The following LY96 variants were observed in gnomAD, a reference collection of about 807,000 sequenced individuals.
LY96 encodes lymphocyte antigen 96.
In LY96, 18 loss-of-function variants were observed where a neutral mutation model predicts 18.9. That is an observed-to-expected ratio of 0.95 (90% confidence interval 0.66 to 1.41). The LOEUF is 1.41. LY96 is among the 40% of genes most tolerant of loss of function. The probability of loss-of-function intolerance (pLI) is 0.00; values close to 1 mark genes in which losing one functional copy is unlikely to be tolerated. For missense variants in LY96, 175 were observed against 182.4 expected (o/e 0.96, Z 0.23); for synonymous variants, 66 against 62.6 (o/e 1.06, Z -0.26).
Position 74,004,706 on chromosome 8 carries a change from A to C in LY96, c.113-90A>C, listed in dbSNP as rs573472358. 3.5e-5 allele frequency: 42 copies of C among 1,207,290 alleles called. No homozygotes were observed. The African/African-American group carries it at 5.8e-4, about 17-fold the overall frequency. The allele number at this position is 1,207,290 out of a possible 1,614,324, so 74.8% of individuals were successfully genotyped here. On this transcript the variant is annotated intron_variant, in intron 1 of 4. Transcript: ENST00000284818. ...TTTCTTATTTTATAATTTTAATGCA[A>C]GATTCATCTTAAAAGGCTGATATTC...
intron 1 of LY96, among the ~76,000 whole-genome samples, chr8:73,997,643 C>T (rs552732652): frequency 2.9e-4 from 44 of 152,262 alleles, no homozygotes; most frequent in African/African-American, 1.0e-3. Flanking sequence ...GTTTTCCTCC[C>T]ACATCAGATG....
chr8:74,079,355 G>A, the LY96 span, among the ~76,000 whole-genome samples: 1 of 152,262 alleles, frequency 6.6e-6, no homozygotes, highest in East Asian at 1.9e-4. Flanking sequence ...CTTTTTATAT[G>A]TCTCTCTAAG....
At chr8:74,090,841 A>G in the LY96 span, among the ~76,000 whole-genome samples, 1 of 152,230 alleles carries the variant, frequency 6.6e-6, no homozygotes, top group African/African-American at 2.4e-5. Flanking sequence ...TGAAAATGTC[A>G]ATTCTCCCTT....
chr8:74,009,374 C>CAAAAAAAAAAAAAAAAAA (rs370593442), intron 2 of LY96, among the ~76,000 whole-genome samples: 16 of 58,814 alleles, frequency 2.7e-4, no homozygotes, highest in East Asian at 6.3e-4. Context: ...CAGTCTTTCT[C>CAAAAAAAAAAAAAAAAAA]AAAAAAAAAA....
At chr8:74,010,616 C>T (rs767853926) in intron 3 of LY96, among the ~76,000 whole-genome samples, 4 of 151,940 alleles carry the variant, frequency 2.6e-5, no homozygotes, top group Non-Finnish European at 4.4e-5. Context: ...TTTTCCTCAG[C>T]TATAAAATGG....
the LY96 span, among the ~76,000 whole-genome samples, chr8:74,075,838 G>T: frequency 6.6e-6 from 1 of 152,162 alleles, no homozygotes; most frequent in Non-Finnish European, 1.5e-5. Context: ...GGTATGAAAA[G>T]AGATGAGAAC....
the LY96 span, among the ~76,000 whole-genome samples, chr8:74,059,599 A>T: frequency 6.6e-6 from 1 of 152,226 alleles, no homozygotes; most frequent in Non-Finnish European, 1.5e-5. Context: ...CACCTTCCTT[A>T]TGGAAAAAAA....
intron 3 of LY96, 134 bp downstream of exon 3, chr8:74,010,263 A>G (rs1368522589): frequency 1.3e-6 from 1 of 766,650 alleles, no homozygotes; most frequent in African/African-American, 1.8e-5. Context: ...TTTTTACTTT[A>G]GCAGCTTAAA....
At chr8:74,081,006 CTTTCTTTCTTT>C in the LY96 span, among the ~76,000 whole-genome samples, 4 of 126,872 alleles carry the variant, frequency 3.2e-5, no homozygotes, top group Non-Finnish European at 4.6e-5. Flanking sequence ...TTCTTTCTTT[CTTTCTTTCTTT>C]CTTTCTTTCT....
At chr8:74,056,802 C>T in the LY96 span, among the ~76,000 whole-genome samples, 1 of 152,142 alleles carries the variant, frequency 6.6e-6, no homozygotes, top group Non-Finnish European at 1.5e-5. Flanking sequence ...TCCCCCTAAG[C>T]CTTCCAGAGA....
chr8:74,098,124 G>T, the LY96 span, among the ~76,000 whole-genome samples: 1 of 152,128 alleles, frequency 6.6e-6, no homozygotes, highest in Non-Finnish European at 1.5e-5. Flanking sequence ...CAGCTTACTT[G>T]TCTGTGATGT....
intron 1 of LY96, among the ~76,000 whole-genome samples, chr8:73,994,005 G>C (rs992332664): frequency 6.7e-6 from 1 of 150,330 alleles, no homozygotes; most frequent in Non-Finnish European, 1.5e-5. Flanking sequence ...TTTTTACTTT[G>C]AGACAGTCTC....
At chr8:74,029,188 A>C, downstream of LY96, 1 of 621,514 alleles carries the variant, frequency 1.6e-6, no homozygotes, top group Non-Finnish European at 2.8e-6. Context: ...GCTTATCCTC[A>C]CAGATCTCTA....
At position 73,991,567 on chromosome 8, in the gene LY96, G is replaced by C. The variant is rs143876123; in HGVS notation, c.112+13G>C. On this transcript the variant is annotated intron_variant, in intron 1 of 4. Transcript: ENST00000284818. Reference sequence around the variant, plus strand: ...TACACCTACTGTGGTAAGTAAAACCGCAAAACAAATAATTGTAGCATCAAC... The same window carrying C: ...TACACCTACTGTGGTAAGTAAAACCCCAAAACAAATAATTGTAGCATCAAC... 85 of 1,435,634 alleles carry C rather than the reference G, an allele frequency of 5.9e-5. No homozygotes were observed. In the East Asian group the frequency reaches 1.9e-3, roughly 32 times the overall value. 88.9% of individuals were successfully genotyped at this position (1,435,634 alleles called of 1,614,324 possible). A position where few individuals can be genotyped will look rare whatever the true frequency, so the allele number is the denominator to read the frequency against.
the LY96 span, among the ~76,000 whole-genome samples, chr8:74,069,543 C>T: frequency 6.6e-6 from 1 of 152,168 alleles, no homozygotes; most frequent in Non-Finnish European, 1.5e-5. Flanking sequence ...ATCCACCTAA[C>T]ACTTTTAAAC....
At chr8:74,065,571 G>C in the LY96 span, among the ~76,000 whole-genome samples, 1,364 of 152,256 alleles carry the variant, frequency 9.0e-3, 24 homozygotes, top group African/African-American at 0.031. Flanking sequence ...TTTGTAGTGA[G>C]GTTATTTGAG....
chr8:74,074,602 C>T, the LY96 span, among the ~76,000 whole-genome samples: 1 of 152,016 alleles, frequency 6.6e-6, no homozygotes, highest in Non-Finnish European at 1.5e-5. Context: ...TGTTTTTCTT[C>T]GTTTTTGATG....
At chr8:74,058,815 C>T in the LY96 span, among the ~76,000 whole-genome samples, 4 of 152,032 alleles carry the variant, frequency 2.6e-5, no homozygotes, top group East Asian at 5.8e-4. Flanking sequence ...CTACTGTGCC[C>T]GGCTGAAAGA....
At chr8:74,085,941 A>G in the LY96 span, among the ~76,000 whole-genome samples, 1 of 152,118 alleles carries the variant, frequency 6.6e-6, no homozygotes, top group African/African-American at 2.4e-5. Context: ...AATACATAAT[A>G]CAGTATTGTT....
Sources: allele counts gnomAD v4.1 joint callset (sites outside exome capture counted in the v4.1 genomes callset), GRCh38; gene constraint gnomAD v4.1.1; transcripts MANE v1.5; gene names NCBI Gene and HGNC (gene_info 2026-07-23, HGNC 2026-07-21).